CFAP91: variants seen among roughly 807,000 people sequenced by gnomAD.
CFAP91 encodes the protein cilia- and flagella-associated protein 91.
A neutral mutation model predicts 95.9 loss-of-function variants in CFAP91; 85 were observed. That is an observed-to-expected ratio of 0.89 (90% CI 0.74 to 1.06). The LOEUF is 1.06. CFAP91 is among the 50% of genes least tolerant of loss of function. The pLI, the probability that CFAP91 is intolerant of heterozygous loss-of-function variation, is 0.00. For missense variants in CFAP91, 962 were observed against 943.4 expected, an observed-to-expected ratio of 1.02 and a Z score of -0.26; for synonymous variants, 335 against 327.5, an observed-to-expected ratio of 1.02 and a Z score of -0.25.
At position 119,708,658 on chromosome 3, in the gene CFAP91, TATAA is replaced by T; in HGVS notation, c.431_434del (p.Lys144ThrfsTer66). ...TCCTGAAGTTACTGGAAAGAATCGC[TATAA>T]ATACTTTGAAAGGTAGAACATAATT... On this transcript the variant is annotated frameshift_variant, in exon 4 of 18. Coordinates refer to ENST00000273390, the MANE Select transcript of CFAP91 (RefSeq NM_033364.4). LOFTEE classifies it high-confidence loss of function. 6.3e-7 allele frequency: 1 copy of T among 1,586,466 alleles called. No homozygotes were observed. Among genetic ancestry groups the T allele is most frequent in the Non-Finnish European group, 8.6e-7 (1 of 1,160,390 alleles).
intron 7 of CFAP91, among the ~76,000 whole-genome samples, chr3:119,729,258 A>G (rs1267229933): frequency 8.5e-5 from 13 of 152,152 alleles, no homozygotes; most frequent in Non-Finnish European, 1.5e-5. Context: ...AGAGGGTCAG[A>G]CTTCTGGGGG....
At chr3:119,703,271 G>A (rs1366219848) in intron 1 of CFAP91, 49 bp downstream of exon 1, 1 of 1,599,682 alleles carries the variant, frequency 6.3e-7, no homozygotes, top group African/African-American at 1.3e-5. Flanking sequence ...TCCTAGGCCA[G>A]GTGGGCTCCC....
chr3:119,751,221 C>T (rs2054319614), intron 17 of CFAP91, 123 bp downstream of exon 17: 3 of 1,099,848 alleles, frequency 2.7e-6, no homozygotes, highest in African/African-American at 1.6e-5. Flanking sequence ...GGAGGACTTC[C>T]ACTTAAATTG....
chr3:119,745,366 C>T (rs1332002440), intron 14 of CFAP91, among the ~76,000 whole-genome samples: 1 of 152,146 alleles, frequency 6.6e-6, no homozygotes, highest in Non-Finnish European at 1.5e-5. Context: ...GATATAAAGT[C>T]ATCGACTCAT....
chr3:119,719,480 A>G (rs1233892623), intron 6 of CFAP91, among the ~76,000 whole-genome samples: 7 of 152,242 alleles, frequency 4.6e-5, no homozygotes, highest in African/African-American at 1.7e-4. Flanking sequence ...CACTGCGGGG[A>G]TAAAATTAAG....
chr3:119,709,695 T>A, intron 4 of CFAP91, 144 bp from the exon 5 acceptor site: 1 of 662,140 alleles, frequency 1.5e-6, no homozygotes, highest in Admixed American at 2.8e-5. Flanking sequence ...CAGTGATTTT[T>A]TATGTCCAGA....
chr3:119,750,867 C>G (rs2054311422), intron 16 of CFAP91, 70 bp from the exon 17 acceptor site: 1 of 1,567,098 alleles, frequency 6.4e-7, no homozygotes, highest in Admixed American at 1.7e-5. Flanking sequence ...TATCATGACT[C>G]TCTTGAAACA....
chr3:119,757,104 C>G (rs910806662), intron 17 of CFAP91, among the ~76,000 whole-genome samples: 5 of 152,006 alleles, frequency 3.3e-5, no homozygotes, highest in Non-Finnish European at 7.4e-5. Context: ...TAGCAATATT[C>G]ATATCAAAGA....
intron 1 of CFAP91, among the ~76,000 whole-genome samples, chr3:119,705,815 C>T (rs547955702): frequency 6.6e-6 from 1 of 152,274 alleles, no homozygotes; most frequent in Admixed American, 6.5e-5. Context: ...AGTCAATAAA[C>T]ATGTGTTGAA....
At chr3:119,722,488 C>T (rs925598296) in intron 6 of CFAP91, among the ~76,000 whole-genome samples, 24 of 152,014 alleles carry the variant, frequency 1.6e-4, no homozygotes, top group African/African-American at 5.5e-4. Flanking sequence ...AAAAAAATTA[C>T]ATTCATTTAT....
intron 17 of CFAP91, among the ~76,000 whole-genome samples, chr3:119,763,656 A>T (rs146348851): frequency 6.6e-6 from 1 of 152,094 alleles, no homozygotes. Context: ...ATTTGCAGCA[A>T]CATGTCTGAA....
chr3:119,761,617 C>A (rs2054539048), intron 17 of CFAP91, among the ~76,000 whole-genome samples: 1 of 151,758 alleles, frequency 6.6e-6, no homozygotes, highest in African/African-American at 2.4e-5. Flanking sequence ...CTAAATTCAA[C>A]AAATTAAAAG....
In CFAP91 at chr3:119,743,966, C is replaced by G; in HGVS notation, c.1681-9C>G. On this transcript the variant is annotated splice_polypyrimidine_tract_variant and intron_variant, in intron 13 of 17. Coordinates refer to ENST00000273390, the MANE Select transcript of CFAP91 (RefSeq NM_033364.4). Reference sequence around the variant, plus strand: ...TTTGTGTCCTTAAAGTTATGTTATTCTTTTCAAGGTGTCACTGGTTGAAAA... The same window carrying G: ...TTTGTGTCCTTAAAGTTATGTTATTGTTTTCAAGGTGTCACTGGTTGAAAA... 1.3e-6 allele frequency: 2 copies of G among 1,587,268 alleles called. No individual in the cohort carries two copies. Among genetic ancestry groups the G allele is most frequent in the Non-Finnish European group, 1.7e-6 (2 of 1,164,286 alleles).
chr3:119,758,881 G>A (rs962838868), intron 17 of CFAP91, among the ~76,000 whole-genome samples: 3 of 151,948 alleles, frequency 2.0e-5, no homozygotes, highest in Non-Finnish European at 4.4e-5. Context: ...GACTTGAACC[G>A]AAATTAAGCA....
chr3:119,719,387 G>A (rs2053639537), intron 6 of CFAP91, among the ~76,000 whole-genome samples: 1 of 150,890 alleles, frequency 6.6e-6, no homozygotes, highest in South Asian at 2.2e-4. Flanking sequence ...GTTTGTTTTT[G>A]TTTATGTATG....
At chr3:119,751,307 T>C (rs1353934957) in intron 17 of CFAP91, among the ~76,000 whole-genome samples, 1 of 152,224 alleles carries the variant, frequency 6.6e-6, no homozygotes, top group Non-Finnish European at 1.5e-5. Flanking sequence ...GCAATTAGAC[T>C]CTTGTGATAC....
chr3:119,713,081 AT>A (rs1200308750), intron 5 of CFAP91: 5 of 144,682 alleles, frequency 3.5e-5, no homozygotes, highest in Admixed American at 7.3e-5. Context: ...TTTTTATTTT[AT>A]TTTTATTTAT....
chr3:119,738,330 G>GTTTTTTTTTTTTTTTTTTT (rs1559761130), intron 11 of CFAP91, among the ~76,000 whole-genome samples: 8 of 23,704 alleles, frequency 3.4e-4, no homozygotes, highest in Admixed American at 1.3e-3. Flanking sequence ...TTGACATATT[G>GTTTTTTTTTTTTTTTTTTT]TCTTTTTTTT....
chr3:119,716,229 C>G (rs1240227418), intron 6 of CFAP91, among the ~76,000 whole-genome samples: 3 of 152,224 alleles, frequency 2.0e-5, no homozygotes, highest in African/African-American at 7.2e-5. Context: ...AAATATCTTT[C>G]AGGCTCAGAA....
Sources: gnomAD v4.1 joint callset for allele counts (sites outside exome capture counted in the v4.1 genomes callset) on GRCh38, gnomAD v4.1.1 for gene constraint, MANE v1.5 for transcripts, NCBI Gene and HGNC (gene_info 2026-07-23, HGNC 2026-07-21) for gene names.